The following AQR variants were observed in gnomAD, a reference collection of about 807,000 sequenced individuals.
AQR encodes the protein RNA helicase aquarius.
A neutral mutation model predicts 180.5 loss-of-function variants in AQR; 61 were observed. The observed-to-expected ratio is 0.34, with a 90% CI of 0.28 to 0.42. AQR has a LOEUF of 0.42. AQR is among the 10% of genes least tolerant of loss of function. The pLI is 1.00. For missense variants in AQR, 1,281 were observed against 1,798.3 expected (o/e 0.71, Z 5.20); for synonymous variants, 551 against 588.8 (o/e 0.94, Z 0.93).
intron 18 of AQR, among the ~76,000 whole-genome samples, chr15:34,906,315 G>C (rs1893416200): frequency 6.6e-6 from 1 of 152,164 alleles, no homozygotes; most frequent in Non-Finnish European, 1.5e-5. Context: ...AGGTTGCAGT[G>C]AGCCGAGATT....
At position 34,904,525 on chromosome 15, in the gene AQR, T is replaced by C. The variant is rs543632229; in HGVS notation, c.1832-20A>G. The C allele has an allele frequency of 2.1e-5, 33 of 1,578,704 alleles. No homozygotes were observed. Among genetic ancestry groups the C allele is most frequent in the South Asian group, 1.4e-4 (12 of 83,662 alleles). On this transcript the variant is annotated intron_variant, in intron 18 of 34. Coordinates refer to ENST00000156471, the MANE Select transcript of AQR (RefSeq NM_014691.3). Reference sequence around the variant, plus strand: ...CAGGTCCTGGACAATTTGAAAAAGTTTGTTAAATAAAATATGTATTTTTCA... The same window carrying C: ...CAGGTCCTGGACAATTTGAAAAAGTCTGTTAAATAAAATATGTATTTTTCA...
intron 1 of AQR, among the ~76,000 whole-genome samples, chr15:34,967,995 T>C (rs1420849564): frequency 6.6e-6 from 1 of 151,890 alleles, no homozygotes; most frequent in African/African-American, 2.4e-5. Flanking sequence ...GTATTTTTAG[T>C]AGAGACAGGG....
chr15:34,880,729 C>A (rs1286434887), intron 27 of AQR, among the ~76,000 whole-genome samples: 1 of 152,084 alleles, frequency 6.6e-6, no homozygotes, highest in Non-Finnish European at 1.5e-5. Flanking sequence ...GGTGCACGCA[C>A]ACATGCATGA....
At chr15:34,920,157 A>G (rs1893662118) in intron 14 of AQR, among the ~76,000 whole-genome samples, 175 bp downstream of exon 14, 1 of 152,206 alleles carries the variant, frequency 6.6e-6, no homozygotes, top group African/African-American at 2.4e-5. Context: ...TGAGTAAAGA[A>G]ATTCGAAAGA....
intron 25 of AQR, among the ~76,000 whole-genome samples, chr15:34,885,541 C>T (rs560680201): frequency 1.3e-5 from 2 of 152,252 alleles, no homozygotes; most frequent in African/African-American, 4.8e-5. Context: ...TGAAAACTGC[C>T]AATTTACACT....
chr15:34,946,535 G>A (rs1894121611), intron 5 of AQR, among the ~76,000 whole-genome samples: 2 of 145,126 alleles, frequency 1.4e-5, no homozygotes, highest in South Asian at 4.4e-4. Context: ...GAGGTGAGGG[G>A]GTCAGCCCCC....
At chr15:34,922,747 ATCCT>A (rs948147000) in intron 13 of AQR, among the ~76,000 whole-genome samples, 7 of 151,978 alleles carry the variant, frequency 4.6e-5, no homozygotes, top group African/African-American at 1.7e-4. Context: ...TAGACAAGTC[ATCCT>A]TCCACCTCAG....
intron 17 of AQR, among the ~76,000 whole-genome samples, chr15:34,909,172 T>C (rs902057075): frequency 1.1e-4 from 16 of 152,218 alleles, no homozygotes; most frequent in Non-Finnish European, 2.4e-4. Flanking sequence ...TAATAATTTC[T>C]GAAAACAGAT....
chr15:34,948,391 A>G lies in AQR; in HGVS notation c.210-7T>C. The G allele has an allele frequency of 6.2e-7, 1 of 1,611,136 alleles. No individual in the cohort carries two copies. Among genetic ancestry groups the G allele is most frequent in the Non-Finnish European group, 8.5e-7 (1 of 1,179,724 alleles). On this transcript the variant is annotated splice_region_variant and splice_polypyrimidine_tract_variant and intron_variant, in intron 4 of 34. Coordinates refer to ENST00000156471, the MANE Select transcript of AQR (RefSeq NM_014691.3). The stretch of plus-strand genomic sequence containing the variant: ...ATAATTTTCAAGATACTGGCTGTAA[A>G]GAGTAAAAAGCATAGAATACTTCAT...
intron 6 of AQR, among the ~76,000 whole-genome samples, chr15:34,942,914 T>C (rs1441374888): frequency 6.6e-6 from 1 of 152,234 alleles, no homozygotes; most frequent in Non-Finnish European, 1.5e-5. Flanking sequence ...AATAATAAAC[T>C]AGTTTGGTAA....
chr15:34,936,226 A>C (rs1893941866), intron 9 of AQR, among the ~76,000 whole-genome samples: 1 of 152,154 alleles, frequency 6.6e-6, no homozygotes, highest in Non-Finnish European at 1.5e-5. Flanking sequence ...TCATCTGGGC[A>C]TTCTGTTTTT....
At chr15:34,884,894 C>T (rs1242546802) in intron 25 of AQR, among the ~76,000 whole-genome samples, 160 bp from the exon 26 acceptor site, 7 of 152,100 alleles carry the variant, frequency 4.6e-5, no homozygotes, top group African/African-American at 1.7e-4. Flanking sequence ...CTGTAACTGA[C>T]AGATTGCTCT....
At chr15:34,946,765 G>C (rs917121072) in intron 5 of AQR, among the ~76,000 whole-genome samples, 2 of 148,116 alleles carry the variant, frequency 1.4e-5, no homozygotes, top group African/African-American at 2.5e-5. Flanking sequence ...AGGTGGGGGG[G>C]TCAGCCCCCC....
At chr15:34,876,269 A>G (rs1258753290) in intron 27 of AQR, among the ~76,000 whole-genome samples, 1 of 152,224 alleles carries the variant, frequency 6.6e-6, no homozygotes, top group African/African-American at 2.4e-5. Context: ...AAGATCTTGT[A>G]TATCATTTCT....
Position 34,856,904 on chromosome 15 carries a change from T to A in AQR, c.4346A>T (p.Glu1449Val). Residue 1449 changes from glutamate (E) to valine (V), a missense_variant, in exon 35 of 35, where the codon GAA (glutamate) becomes GTA (valine). Coordinates refer to ENST00000156471, the MANE Select transcript of AQR (RefSeq NM_014691.3). ...PSETGATSTP[E>V]AIPALSETTP... ...GGTCTCAGATAAAGCAGGGATGGCT[T>A]CTGGAGTGGAAGTGGCTCCTGTCTC... The A allele has an allele frequency of 6.2e-7, 1 of 1,614,046 alleles. No individual in the cohort carries two copies. The highest frequency in any genetic ancestry group is 8.5e-7 in the Non-Finnish European group (1 of 1,179,976).
chr15:34,860,019 A>C, intron 34 of AQR, 23 bp downstream of exon 34: 1 of 1,220,632 alleles, frequency 8.2e-7, no homozygotes, highest in Non-Finnish European at 1.1e-6. Context: ...AAGAAAAATA[A>C]AAGTCGATTT....
chr15:34,858,930 C>G (rs1041087203), intron 34 of AQR, among the ~76,000 whole-genome samples: 2 of 152,162 alleles, frequency 1.3e-5, no homozygotes, highest in Non-Finnish European at 2.9e-5. Flanking sequence ...TAAAAATTAA[C>G]TCAAAATGCA....
chr15:34,968,319 C>T (rs1192990185), intron 1 of AQR, among the ~76,000 whole-genome samples: 1 of 151,046 alleles, frequency 6.6e-6, no homozygotes, highest in Admixed American at 6.6e-5. Flanking sequence ...GTGGCGCGAT[C>T]TCGGCTCACT....
intron 13 of AQR, 102 bp from the exon 14 acceptor site, chr15:34,920,536 T>A: frequency 1.2e-6 from 1 of 802,732 alleles, no homozygotes; most frequent in Non-Finnish European, 2.0e-6. Flanking sequence ...TATAATACTA[T>A]GACATGGGCA....
Sources: gnomAD v4.1 joint callset for allele counts (sites outside exome capture counted in the v4.1 genomes callset) on GRCh38, gnomAD v4.1.1 for gene constraint, MANE v1.5 for transcripts, NCBI Gene and HGNC (gene_info 2026-07-23, HGNC 2026-07-21) for gene names.